Variants in WDR93 observed in about 807,000 individuals in gnomAD.
WDR93 encodes WD repeat domain 93, also known as WD repeat-containing protein 93.
A neutral mutation model predicts 82.9 loss-of-function variants in WDR93; 73 were observed. The observed-to-expected ratio is 0.88, with a 90% CI of 0.73 to 1.07. The LOEUF (loss-of-function observed/expected upper bound fraction) is 1.07, where lower values mean the gene tolerates loss of function less well. Among genes scored for constraint, WDR93 ranks in the 50% least tolerant of loss-of-function variants. WDR93 has a pLI of 0.00. For synonymous variants in WDR93, 283 were observed against 300.1 expected (o/e 0.94, Z 0.59); for missense variants, 738 against 826.0 (o/e 0.89, Z 1.31).
At chr15:89,718,432 C>T (rs1301409151) in intron 7 of WDR93, among the ~76,000 whole-genome samples, 1 of 151,826 alleles carries the variant, frequency 6.6e-6, no homozygotes, top group African/African-American at 2.4e-5. Context: ...CGAGATCACA[C>T]CACTGCACTC....
chr15:89,691,493 G>A (rs1964879645), intron 1 of WDR93, among the ~76,000 whole-genome samples: 1 of 152,188 alleles, frequency 6.6e-6, no homozygotes, highest in Non-Finnish European at 1.5e-5. Flanking sequence ...CGAGGTGGGC[G>A]GATCACCTGC....
At chr15:89,743,173 G>T in intron 16 of WDR93, 119 bp from the exon 17 acceptor site, 1 of 942,572 alleles carries the variant, frequency 1.1e-6, no homozygotes, top group Non-Finnish European at 1.7e-6. Context: ...CAGAGGCGAT[G>T]CAGGTGTGTC....
chr15:89,719,997 AC>A (rs1477593581), intron 7 of WDR93, among the ~76,000 whole-genome samples: 2 of 151,692 alleles, frequency 1.3e-5, no homozygotes, highest in Non-Finnish European at 2.9e-5. Context: ...ACGGGGTCTC[AC>A]CATCTTGGCC....
chr15:89,715,516 T>A (rs1203782203), intron 6 of WDR93, among the ~76,000 whole-genome samples: 1 of 152,218 alleles, frequency 6.6e-6, no homozygotes, highest in Non-Finnish European at 1.5e-5. Context: ...TATTTTCTAT[T>A]ATCCTTAGAA....
chr15:89,742,306 C>A (rs759096412), intron 16 of WDR93, among the ~76,000 whole-genome samples: 83 of 152,056 alleles, frequency 5.5e-4, no homozygotes, highest in Non-Finnish European at 2.9e-5. Flanking sequence ...CAAAACAAAT[C>A]AAAGCTATGG....
chr15:89,692,781 T>C (rs1964965404), intron 1 of WDR93, among the ~76,000 whole-genome samples: 1 of 152,200 alleles, frequency 6.6e-6, no homozygotes. Flanking sequence ...TGATTTTTTA[T>C]ATTTTTAGTA....
At chr15:89,710,151 C>T (rs11631319) in intron 4 of WDR93, among the ~76,000 whole-genome samples, 31,755 of 152,034 alleles carry the variant, frequency 0.21, 3,820 homozygotes, top group South Asian at 0.32. Context: ...CAGAGTGAGA[C>T]TCCGTCTCAA....
intron 16 of WDR93, among the ~76,000 whole-genome samples, chr15:89,742,690 C>A (rs1016725758): frequency 6.6e-6 from 1 of 152,134 alleles, no homozygotes; most frequent in African/African-American, 2.4e-5. Flanking sequence ...CGTGCCACCA[C>A]GCCTGGCAAG....
At chr15:89,727,398 T>G in intron 9 of WDR93, 70 bp downstream of exon 9, 1 of 1,533,290 alleles carries the variant, frequency 6.5e-7, no homozygotes. Flanking sequence ...CATGCAGGAA[T>G]CAACCCAGGG....
chr15:89,708,749 C>A (rs1049066183), intron 4 of WDR93, among the ~76,000 whole-genome samples: 1 of 152,182 alleles, frequency 6.6e-6, no homozygotes, highest in Non-Finnish European at 1.5e-5. Flanking sequence ...ATGTTACAGG[C>A]CCTAATTGCA....
chr15:89,703,469 T>G, intron 3 of WDR93: 1 of 362,806 alleles, frequency 2.8e-6, no homozygotes, highest in Non-Finnish European at 5.1e-6. Flanking sequence ...AGTATGGCCC[T>G]GGAGTCCACA....
intron 14 of WDR93, 103 bp downstream of exon 14, chr15:89,735,656 G>C (rs944111545): frequency 8.2e-7 from 1 of 1,219,618 alleles, no homozygotes; most frequent in South Asian, 1.2e-5. Flanking sequence ...GGCCTGTTAT[G>C]TGTTAGGCAC....
At chr15:89,713,077 C>G (rs945809836) in intron 5 of WDR93, among the ~76,000 whole-genome samples, 7 of 146,906 alleles carry the variant, frequency 4.8e-5, no homozygotes, top group African/African-American at 1.8e-4. Flanking sequence ...GAGCCGAGAT[C>G]GTGCCATTGC....
intron 4 of WDR93, among the ~76,000 whole-genome samples, chr15:89,707,675 A>G (rs1300005328): frequency 6.6e-6 from 1 of 152,246 alleles, no homozygotes; most frequent in East Asian, 1.9e-4. Flanking sequence ...ATATGCAACA[A>G]TTGGAACTCT....
At chr15:89,723,388 G>A (rs994063283) in intron 8 of WDR93, among the ~76,000 whole-genome samples, 1 of 151,952 alleles carries the variant, frequency 6.6e-6, no homozygotes, top group Non-Finnish European at 1.5e-5. Context: ...GCTGTAGTGA[G>A]CTATGATCAC....
intron 1 of WDR93, among the ~76,000 whole-genome samples, chr15:89,694,755 T>C (rs945196377): frequency 6.6e-6 from 1 of 152,224 alleles, no homozygotes; most frequent in Non-Finnish European, 1.5e-5. Context: ...ATCTAGGAAA[T>C]CTTTGTCTAA....
At chr15:89,701,137 TC>T (rs748294359) in intron 1 of WDR93, among the ~76,000 whole-genome samples, 1 of 152,148 alleles carries the variant, frequency 6.6e-6, no homozygotes, top group Non-Finnish European at 1.5e-5. Flanking sequence ...TTTGGTCAAT[TC>T]TTTTTTTAAT....
intron 9 of WDR93, 50 bp downstream of exon 9, chr15:89,727,378 T>G: frequency 6.3e-7 from 1 of 1,589,536 alleles, no homozygotes; most frequent in East Asian, 2.2e-5. Flanking sequence ...AGGCTTCTGC[T>G]GTCTTGGCAC....
intron 1 of WDR93, among the ~76,000 whole-genome samples, chr15:89,696,482 G>C (rs1286712429): frequency 2.0e-5 from 1 of 48,990 alleles, no homozygotes; most frequent in Non-Finnish European, 4.8e-5. Context: ...TACATTGGTG[G>C]TGGTGGTGGT....
Sources: gnomAD v4.1 joint callset for allele counts (sites outside exome capture counted in the v4.1 genomes callset) on GRCh38, gnomAD v4.1.1 for gene constraint, MANE v1.5 for transcripts, NCBI Gene and HGNC (gene_info 2026-07-23, HGNC 2026-07-21) for gene names.